The following OPA1 variants were observed in gnomAD, a reference collection of about 807,000 sequenced individuals.
OPA1 encodes OPA1 mitochondrial dynamin like GTPase, also known as dynamin-like GTPase OPA1, mitochondrial.
In OPA1, 59 loss-of-function variants were observed where a neutral mutation model predicts 152.9. The observed-to-expected ratio is 0.39, with a 90% CI of 0.31 to 0.48. The LOEUF is 0.48. OPA1 is among the 20% of genes least tolerant of loss of function. The probability of loss-of-function intolerance (pLI) is 0.96; values close to 1 mark genes in which losing one functional copy is unlikely to be tolerated. For missense variants in OPA1, 1,008 were observed against 1,216.8 expected (o/e 0.83, Z 2.55); for synonymous variants, 400 against 389.9 (o/e 1.03, Z -0.31).
chr3:193,697,112 T>C lies in OPA1; in HGVS notation c.*2512T>C, dbSNP rs191907593. ...GCTTCCCAGCCTCACAATGTGGGAA[T>C]TTGACATAGGATGAGAGTCAGAGTA... is the stretch of plus-strand genomic sequence containing the variant. On this transcript the variant is annotated 3_prime_UTR_variant, in exon 31 of 31. Coordinates refer to ENST00000361510, the MANE Select transcript of OPA1 (RefSeq NM_130837.3). 3.2e-4 allele frequency: 49 copies of C among 152,336 alleles called. 1 individual carries two copies. The highest frequency in any genetic ancestry group is 3.4e-3 in the Middle Eastern group (1 of 294). The allele number at this position is 152,336 out of a possible 1,614,324, so 9.4% of individuals were successfully genotyped here. A position where few individuals can be genotyped will look rare whatever the true frequency, so the allele number is the denominator to read the frequency against.
chr3:193,686,995 C>T (rs1160668338), intron 29 of OPA1, among the ~76,000 whole-genome samples: 1 of 152,096 alleles, frequency 6.6e-6, no homozygotes, highest in Non-Finnish European at 1.5e-5. Flanking sequence ...GTTCTTTGTT[C>T]CTGTTCTAAA....
At chr3:193,639,646 T>C (rs1007656979) in intron 11 of OPA1, among the ~76,000 whole-genome samples, 1 of 152,184 alleles carries the variant, frequency 6.6e-6, no homozygotes, top group Non-Finnish European at 1.5e-5. Context: ...TAAGGCCTTA[T>C]AGGCCATTGT....
rs1722289409 is a variant in OPA1, at chr3:193,696,853, A to G, written c.*2253A>G. The G allele has an allele frequency of 6.6e-6, 1 of 152,222 alleles. No homozygotes were observed. Among genetic ancestry groups the G allele is most frequent in the African/African-American group, 2.4e-5 (1 of 41,456 alleles). 9.4% of individuals were successfully genotyped at this position (152,222 alleles called of 1,614,324 possible). A position where few individuals can be genotyped will look rare whatever the true frequency, so the allele number is the denominator to read the frequency against. On this transcript the variant is annotated 3_prime_UTR_variant, in exon 31 of 31. Coordinates refer to ENST00000361510, the MANE Select transcript of OPA1 (RefSeq NM_130837.3). ...GGCTAGGACTTCAATTTTAAAAATC[A>G]GTGTACCTAGGCAGTGCACAGCACG...
At chr3:193,688,915 G>A (rs1721308698) in intron 29 of OPA1, among the ~76,000 whole-genome samples, 1 of 152,172 alleles carries the variant, frequency 6.6e-6, no homozygotes, top group Non-Finnish European at 1.5e-5. Flanking sequence ...GAGCCTGGGA[G>A]GTCGAGGCTG....
intron 29 of OPA1, among the ~76,000 whole-genome samples, chr3:193,682,438 A>G (rs1321706806): frequency 6.6e-6 from 1 of 152,186 alleles, no homozygotes; most frequent in Non-Finnish European, 1.5e-5. Flanking sequence ...ATACTAAACA[A>G]CAGATTCTTG....
At chr3:193,623,717 G>A (rs760524196) in intron 6 of OPA1, among the ~76,000 whole-genome samples, 7 of 152,078 alleles carry the variant, frequency 4.6e-5, no homozygotes, top group African/African-American at 7.2e-5. Flanking sequence ...AAATGTCTAA[G>A]CTTGGGAAAA....
At chr3:193,637,116 T>C (rs1487251920) in intron 9 of OPA1, 79 bp from the exon 10 acceptor site, 4 of 739,276 alleles carry the variant, frequency 5.4e-6, no homozygotes, top group Non-Finnish European at 9.0e-6. Context: ...AATTTATCAC[T>C]TTTTTCTCTT....
intron 29 of OPA1, among the ~76,000 whole-genome samples, chr3:193,677,172 A>G (rs1231826804): frequency 1.3e-5 from 2 of 151,968 alleles, no homozygotes; most frequent in Admixed American, 1.3e-4. Flanking sequence ...GTTCTCTACA[A>G]TAATGTATGG....
chr3:193,609,327 G>A (rs555179848), intron 1 of OPA1, among the ~76,000 whole-genome samples: 4 of 152,274 alleles, frequency 2.6e-5, no homozygotes, highest in South Asian at 2.1e-4. Context: ...GAAATTCTGG[G>A]TTGAAAATTC....
chr3:193,608,799 G>C (rs1727694239), intron 1 of OPA1, among the ~76,000 whole-genome samples: 1 of 152,048 alleles, frequency 6.6e-6, no homozygotes, highest in Non-Finnish European at 1.5e-5. Flanking sequence ...TGTTGACAGT[G>C]GGGTGTTAAA....
chr3:193,595,908 G>A (rs896869890), intron 1 of OPA1, among the ~76,000 whole-genome samples: 3 of 152,044 alleles, frequency 2.0e-5, no homozygotes, highest in Non-Finnish European at 4.4e-5. Flanking sequence ...CTCGTCGTCT[G>A]TTAAAAGGAA....
chr3:193,619,037 A>G, intron 6 of OPA1, 101 bp downstream of exon 6: 1 of 895,198 alleles, frequency 1.1e-6, no homozygotes, highest in Non-Finnish European at 1.9e-6. Context: ...TGAGAAGCAA[A>G]TACAAAAACA....
At position 193,664,988 on chromosome 3, in the gene OPA1, G is replaced by A; in HGVS notation, c.2770G>A (p.Asp924Asn). The A allele has an allele frequency of 6.5e-7, 1 of 1,544,770 alleles. No homozygotes were observed. The highest frequency in any genetic ancestry group is 8.9e-7 in the Non-Finnish European group (1 of 1,117,556). Residue 924 changes from aspartate (D) to asparagine (N), a missense_variant, in exon 27 of 31, where the codon GAT becomes AAT. Around this residue, in one of 7 missense-constraint regions of OPA1, gnomAD observed 137 missense variants for 171.0 expected, o/e 0.80. Transcript: ENST00000361510. ...GFYYYQRHFV[D>N]SELECNDVVL... is the part of the protein sequence containing the mutation. ...TTATTACTACCAAAGGCATTTTGTA[G>A]ATTCTGAGGTAAGGTTTCCAAAAAC...
intron 20 of OPA1, 176 bp downstream of exon 20, chr3:193,648,310 TTATTATA>T: frequency 3.7e-6 from 2 of 546,832 alleles, no homozygotes; most frequent in Non-Finnish European, 6.4e-6. Context: ...TTTAAATTAT[TTATTATA>T]TAACATTAAA....
intron 1 of OPA1, chr3:193,613,985 G>T (rs909442421): frequency 3.9e-6 from 2 of 518,778 alleles, no homozygotes; most frequent in Non-Finnish European, 7.7e-6. Context: ...TAGTAAGCAA[G>T]CAACTATGTA....
intron 29 of OPA1, among the ~76,000 whole-genome samples, chr3:193,690,797 C>T (rs1721575385): frequency 6.6e-6 from 1 of 152,192 alleles, no homozygotes; most frequent in Non-Finnish European, 1.5e-5. Context: ...AGAATGCTTG[C>T]CAGTTTTGCC....
chr3:193,598,263 GT>G (rs1293693085), intron 1 of OPA1, among the ~76,000 whole-genome samples: 1 of 152,174 alleles, frequency 6.6e-6, no homozygotes, highest in East Asian at 1.9e-4. Flanking sequence ...TAGGTGAACA[GT>G]TTTTGTATGA....
At chr3:193,663,117 C>T (rs1000248203) in intron 26 of OPA1, among the ~76,000 whole-genome samples, 155 bp downstream of exon 26, 6 of 152,190 alleles carry the variant, frequency 3.9e-5, no homozygotes, top group African/African-American at 1.4e-4. Flanking sequence ...ATTTTGATTG[C>T]GTGAAGAGAA....
chr3:193,657,049 A>G (rs1158666589), intron 22 of OPA1, 31 bp from the exon 23 acceptor site: 3 of 1,592,502 alleles, frequency 1.9e-6, no homozygotes, highest in Non-Finnish European at 2.6e-6. Context: ...TGTAGTAATA[A>G]TATGGCTTTT....
Sources: gnomAD v4.1 joint callset for allele counts (sites outside exome capture counted in the v4.1 genomes callset) on GRCh38, gnomAD v4.1.1 for gene constraint, gnomAD v4.1.1 regional missense constraint, MANE v1.5 for transcripts, NCBI Gene and HGNC (gene_info 2026-07-23, HGNC 2026-07-21) for gene names.